Variants in KRIT1 observed in about 807,000 individuals in gnomAD.
KRIT1 encodes krev interaction trapped protein 1.
KRIT1 carries 45 observed loss-of-function variants against 95.8 expected under a neutral mutation model. The ratio of observed to expected loss-of-function variants is 0.47; its 90% CI spans 0.37 to 0.60. KRIT1 has a LOEUF of 0.60. Among genes scored for constraint, KRIT1 ranks in the 20% least tolerant of loss-of-function variants. The pLI, the probability that KRIT1 is intolerant of heterozygous loss-of-function variation, is 0.00. For synonymous variants in KRIT1, 282 were observed against 278.8 expected, an observed-to-expected ratio of 1.01 and a Z score of -0.11; for missense variants, 788 against 877.5, an observed-to-expected ratio of 0.90 and a Z score of 1.29.
At chr7:92,234,729 C>T in intron 9 of KRIT1, 79 bp downstream of exon 9, 3 of 1,117,566 alleles carry the variant, frequency 2.7e-6, no homozygotes, top group South Asian at 1.2e-5. Context: ...ATACAAATTG[C>T]ATATATAATT....
At chr7:92,230,742 A>T (rs545106859) in intron 10 of KRIT1, among the ~76,000 whole-genome samples, 4 of 152,308 alleles carry the variant, frequency 2.6e-5, no homozygotes, top group Admixed American at 2.0e-4. Context: ...TGTATACCCT[A>T]TGATACAGGA....
chr7:92,205,573 G>GA (rs1339899744), intron 17 of KRIT1: 1 of 151,784 alleles, frequency 6.6e-6, no homozygotes, highest in Non-Finnish European at 1.5e-5. Flanking sequence ...ACCCCCCTAT[G>GA]AAAAACACAA....
chr7:92,201,164 G>A, intron 18 of KRIT1, 143 bp downstream of exon 18: 1 of 641,962 alleles, frequency 1.6e-6, no homozygotes, highest in East Asian at 2.6e-5. Context: ...TAGAAGGCCT[G>A]GCTTTATTCC....
At position 92,233,189 on chromosome 7, in the gene KRIT1, CACACACAT is replaced by C. The variant is rs796875260; in HGVS notation, c.989+1252_989+1259del. Among the ~76,000 whole-genome samples the C allele has an allele frequency of 3.0e-4, 39 of 132,050 alleles. 1 individual carries two copies. Among genetic ancestry groups the C allele is most frequent in the South Asian group, 4.9e-4 (2 of 4,108 alleles). The allele number at this position is 132,050 out of a possible 152,430, so 86.6% of individuals were successfully genotyped here. A position where few individuals can be genotyped will look rare whatever the true frequency, so the allele number is the denominator to read the frequency against. On this transcript the variant is annotated intron_variant, in intron 10 of 18. Coordinates refer to ENST00000394505, the MANE Select transcript of KRIT1 (RefSeq NM_194454.3). The stretch of plus-strand genomic sequence containing the variant: ...ACACACACACACACACACACACACA[CACACACAT>C]ATAAAGCAACTATAGTTAACTGCTT...
At chr7:92,246,031 CAG>C (rs1022616405), upstream of KRIT1, 6 of 265,588 alleles carry the variant, frequency 2.3e-5, no homozygotes, top group African/African-American at 1.4e-4. Flanking sequence ...TGCAGTCTCT[CAG>C]GGGCTGGTGG....
chr7:92,228,715 T>G (rs1385496512), intron 10 of KRIT1, among the ~76,000 whole-genome samples: 1 of 152,100 alleles, frequency 6.6e-6, no homozygotes, highest in Admixed American at 6.6e-5. Flanking sequence ...ACCCAATAAT[T>G]ATTTTTTCCG....
At chr7:92,216,577 G>A (rs968687337) in intron 14 of KRIT1, among the ~76,000 whole-genome samples, 1 of 152,068 alleles carries the variant, frequency 6.6e-6, no homozygotes, top group Non-Finnish European at 1.5e-5. Flanking sequence ...ATTGTGGTAG[G>A]TAGAGATGTC....
chr7:92,204,348 T>A (rs1790890598), intron 17 of KRIT1, among the ~76,000 whole-genome samples: 1 of 151,896 alleles, frequency 6.6e-6, no homozygotes, highest in African/African-American at 2.4e-5. Flanking sequence ...GCCCAACCTT[T>A]TTGGTGCCAG....
intron 10 of KRIT1, among the ~76,000 whole-genome samples, chr7:92,227,271 A>G (rs187833603): frequency 1.2e-4 from 18 of 152,312 alleles, no homozygotes; most frequent in African/African-American, 4.3e-4. Flanking sequence ...CCATGCTTTA[A>G]AAAATATCAG....
intron 10 of KRIT1, among the ~76,000 whole-genome samples, chr7:92,227,669 G>A (rs1257285689): frequency 6.6e-6 from 1 of 151,512 alleles, no homozygotes; most frequent in Non-Finnish European, 1.5e-5. Flanking sequence ...CAAGTAGCTG[G>A]GATTACAGGC....
intron 3 of KRIT1, among the ~76,000 whole-genome samples, chr7:92,242,976 G>A (rs958995714): frequency 1.3e-5 from 2 of 152,080 alleles, no homozygotes; most frequent in African/African-American, 4.8e-5. Context: ...GTGCCACCAT[G>A]CTCGGCTAAT....
intron 9 of KRIT1, 22 bp downstream of exon 9, chr7:92,234,786 T>G (rs1798048578): frequency 2.3e-6 from 3 of 1,320,660 alleles, no homozygotes; most frequent in South Asian, 2.3e-5. Flanking sequence ...AAAAGCAATG[T>G]GGAGTAAAAC....
At position 92,236,400 on chromosome 7, in the gene KRIT1, C is replaced by A. The variant is rs758014337; in HGVS notation, c.485+13G>T. 2.6e-5 allele frequency: 41 copies of A among 1,574,356 alleles called. No individual in the cohort carries two copies. The highest frequency in any genetic ancestry group is 1.7e-4 in the Middle Eastern group (1 of 5,934). On this transcript the variant is annotated intron_variant, in intron 7 of 18. Coordinates refer to ENST00000394505, the MANE Select transcript of KRIT1 (RefSeq NM_194454.3). ...TTGATTAATTAAAAGATACTTCTAA[C>A]GGCATTTCTTACTTATCCAAGGCTA...
chr7:92,200,949 T>G, intron 18 of KRIT1, 145 bp from the exon 19 acceptor site: 1 of 683,320 alleles, frequency 1.5e-6, no homozygotes, highest in East Asian at 2.7e-5. Context: ...TAGAGGGGGA[T>G]ATTTACTCAG....
intron 17 of KRIT1, among the ~76,000 whole-genome samples, chr7:92,212,965 C>CA (rs1458341764): frequency 6.6e-6 from 1 of 152,108 alleles, no homozygotes; most frequent in Non-Finnish European, 1.5e-5. Context: ...TCATTCTACA[C>CA]AAAAATACTC....
Position 92,222,037 on chromosome 7 carries a change from T to C in KRIT1, c.1428A>G (p.Pro476=), listed in dbSNP as rs781533650. ...GAACATGTTGCAAGGGTTTATGATA[T>C]GGTTTGAGTTGAAGGCCTGAAAAAC... is the stretch of plus-strand genomic sequence containing the variant. ...CSENLSLQLK[P]YHKPLQHVRD... The change falls in exon 14 of 19, where the codon CCA becomes CCG. Residue 476 remains proline (P), a synonymous_variant. Coordinates refer to ENST00000394505, the MANE Select transcript of KRIT1 (RefSeq NM_194454.3). 8.7e-6 allele frequency: 14 copies of C among 1,613,432 alleles called. No individual in the cohort carries two copies. The highest frequency in any genetic ancestry group is 2.2e-5 in the East Asian group (1 of 44,840).
chr7:92,242,691 T>C (rs914430021), intron 3 of KRIT1, among the ~76,000 whole-genome samples: 26 of 152,224 alleles, frequency 1.7e-4, no homozygotes, highest in African/African-American at 4.6e-4. Flanking sequence ...TAAAGCGTAG[T>C]ATGTAATTTT....
In KRIT1 at chr7:92,235,586, A is replaced by C; in HGVS notation, c.546T>G (p.Pro182=). ...HFIPALFRPS[P]LERIKTNVIN... ...TGACATTAGTTTTTATCCGCTCAAG[A>C]GGAGAAGGTCGGAATAAAGCTGGAA... is the stretch of plus-strand genomic sequence containing the variant. Residue 182 remains proline (P), a synonymous_variant, in exon 8 of 19, where the codon CCT becomes CCG. Transcript: ENST00000394505. 6.2e-7 allele frequency: 1 copy of C among 1,613,898 alleles called. No individual in the cohort carries two copies. Among genetic ancestry groups the C allele is most frequent in the Non-Finnish European group, 8.5e-7 (1 of 1,179,842 alleles).
intron 14 of KRIT1, among the ~76,000 whole-genome samples, chr7:92,221,666 C>T (rs1795179747): frequency 6.6e-6 from 1 of 152,092 alleles, no homozygotes; most frequent in African/African-American, 2.4e-5. Flanking sequence ...CATCTGATTG[C>T]TAATTTTCTT....
Sources: gnomAD v4.1 joint callset for allele counts (sites outside exome capture counted in the v4.1 genomes callset) on GRCh38, gnomAD v4.1.1 for gene constraint, MANE v1.5 for transcripts, NCBI Gene and HGNC (gene_info 2026-07-23, HGNC 2026-07-21) for gene names.